Variants in SKAP1 observed in about 807,000 individuals in gnomAD.
SKAP1 encodes src kinase associated phosphoprotein 1.
SKAP1 carries 44 observed loss-of-function variants against 58.5 expected under a neutral mutation model. The ratio of observed to expected loss-of-function variants is 0.75; its 90% CI spans 0.59 to 0.97. The LOEUF (loss-of-function observed/expected upper bound fraction) is 0.97, where lower values mean the gene tolerates loss of function less well. SKAP1 is among the 50% of genes least tolerant of loss of function. The probability of loss-of-function intolerance (pLI) is 0.00; values close to 1 mark genes in which losing one functional copy is unlikely to be tolerated. For synonymous variants in SKAP1, 127 were observed against 149.7 expected (o/e 0.85, Z 1.11); for missense variants, 390 against 435.2 (o/e 0.90, Z 0.92).
At chr17:48,283,110 G>C (rs577550616) in intron 4 of SKAP1, among the ~76,000 whole-genome samples, 8 of 152,250 alleles carry the variant, frequency 5.3e-5, no homozygotes, top group African/African-American at 1.9e-4. Context: ...TTGTGGCTTA[G>C]ACGTGTTGGG....
chr17:48,341,812 C>T (rs2066657217), intron 4 of SKAP1, among the ~76,000 whole-genome samples: 1 of 152,188 alleles, frequency 6.6e-6, no homozygotes, highest in Admixed American at 6.5e-5. Context: ...AATATTCTCA[C>T]TTCTATCCAG....
rs141433222 is a variant in SKAP1 at position 48,273,342 on chromosome 17, C to T, written c.280+72563G>A. On this transcript the variant is annotated intron_variant, in intron 4 of 12. Transcript: ENST00000336915. The stretch of plus-strand genomic sequence containing the variant: ...TTTATAATTTTCAACCTCCACTGGA[C>T]GTTTAGTATTCTTCAGAAATCCTTT... Among the ~76,000 whole-genome samples the T allele has an allele frequency of 2.6e-3, 388 of 152,048 alleles. 1 individual carries two copies. The highest frequency in any genetic ancestry group is 4.6e-3 in the Admixed American group (70 of 15,266).
At chr17:48,264,781 C>A (rs1026415759) in intron 4 of SKAP1, among the ~76,000 whole-genome samples, 1 of 151,370 alleles carries the variant, frequency 6.6e-6, no homozygotes, top group Admixed American at 6.6e-5. Flanking sequence ...CACACACACA[C>A]ACCCTCCATC....
Position 48,295,180 on chromosome 17 carries a change from A to G in SKAP1, c.280+50725T>C, listed in dbSNP as rs541639816. 2.0e-5 allele frequency among the ~76,000 whole-genome samples: 3 copies of G among 152,328 alleles called. No individual in the cohort carries two copies. In the East Asian group the frequency reaches 5.8e-4, roughly 29 times the overall value. On this transcript the variant is annotated intron_variant, in intron 4 of 12. Coordinates refer to ENST00000336915, the MANE Select transcript of SKAP1 (RefSeq NM_003726.4). ...ATGTTTTGCACGAAGCAACTGGGCAAAGGAAGTTGACTTCAATCGGGCAAG... is the reference window on the plus strand; with the variant it reads ...ATGTTTTGCACGAAGCAACTGGGCAGAGGAAGTTGACTTCAATCGGGCAAG...
chr17:48,145,564 A>G (rs555013312), intron 11 of SKAP1, among the ~76,000 whole-genome samples: 2 of 152,214 alleles, frequency 1.3e-5, no homozygotes, highest in African/African-American at 4.8e-5. Flanking sequence ...TTTCAGGACT[A>G]TCATGGACCT....
rs565274555 is a variant in SKAP1 at position 48,248,554 on chromosome 17, A to G, written c.281-59054T>C. Among the ~76,000 whole-genome samples the G allele has an allele frequency of 1.4e-4, 21 of 152,330 alleles. No individual in the cohort carries two copies. In the South Asian group the frequency reaches 2.5e-3, roughly 18 times the overall value. The stretch of plus-strand genomic sequence containing the variant: ...TGCACTCCAGCCTGGAAGACAGGGC[A>G]AGACTCCGTCTCAAAAAAGAAAACA... On this transcript the variant is annotated intron_variant, in intron 4 of 12. Coordinates refer to ENST00000336915, the MANE Select transcript of SKAP1 (RefSeq NM_003726.4).
At chr17:48,141,539 G>A (rs2063767904) in intron 11 of SKAP1, among the ~76,000 whole-genome samples, 2 of 151,780 alleles carry the variant, frequency 1.3e-5, no homozygotes, top group Non-Finnish European at 2.9e-5. Context: ...ACCACACCTC[G>A]CTGATTTTTG....
intron 9 of SKAP1, 41 bp from the exon 10 acceptor site, chr17:48,170,700 C>A: frequency 6.2e-6 from 9 of 1,442,510 alleles, no homozygotes; most frequent in Non-Finnish European, 8.7e-6. Context: ...TAGTGGTTCA[C>A]AGTCTCATGT....
chr17:48,371,654 CAAAAAAAAAAAAA>C (rs71141985), intron 2 of SKAP1, among the ~76,000 whole-genome samples: 22 of 37,918 alleles, frequency 5.8e-4, no homozygotes, highest in African/African-American at 2.5e-3. Context: ...CTTGTCTCCA[CAAAAAAAAAAAAA>C]AAAAAAAAAA....
intron 4 of SKAP1, among the ~76,000 whole-genome samples, chr17:48,310,818 CAA>C (rs2066212769): frequency 6.6e-6 from 1 of 151,032 alleles, no homozygotes; most frequent in Admixed American, 6.6e-5. Context: ...CTGCTGGAAA[CAA>C]GAGAGTTGAT....
the SKAP1 span, among the ~76,000 whole-genome samples, chr17:48,441,725 C>G: frequency 1.3e-5 from 2 of 152,242 alleles, no homozygotes; most frequent in African/African-American, 4.8e-5. Context: ...GATCAAAGAA[C>G]AGTGGAGTTT....
At chr17:48,227,703 G>C (rs960207189) in intron 4 of SKAP1, among the ~76,000 whole-genome samples, 17 of 152,086 alleles carry the variant, frequency 1.1e-4, no homozygotes, top group Non-Finnish European at 2.1e-4. Context: ...TTTTATTGTG[G>C]GGTCTGAAAG....
chr17:48,419,386 G>A (rs769770680), intron 1 of SKAP1, among the ~76,000 whole-genome samples: 1 of 151,904 alleles, frequency 6.6e-6, no homozygotes, highest in Non-Finnish European at 1.5e-5. Context: ...CCGGGTTCAA[G>A]CAATTATCAT....
chr17:48,402,243 T>G (rs1041415005), intron 1 of SKAP1, among the ~76,000 whole-genome samples: 2 of 151,956 alleles, frequency 1.3e-5, no homozygotes, highest in Non-Finnish European at 2.9e-5. Context: ...AGAATTATCA[T>G]AGGATCCAGA....
rs574888392 is a variant in SKAP1 at position 48,291,525 on chromosome 17, AATG to A, written c.280+54377_280+54379del. On this transcript the variant is annotated intron_variant, in intron 4 of 12. Transcript: ENST00000336915. ...TTCTGCAAACAGTAACGCAGATTCC[AATG>A]ATAAGATGAGTGAGCAGGATGCAAG... Among the ~76,000 whole-genome samples, 40 of 152,354 alleles carry A rather than the reference AATG, an allele frequency of 2.6e-4. No individual in the cohort carries two copies. In the South Asian group the frequency reaches 6.4e-3, roughly 24 times the overall value.
chr17:48,237,458 C>T (rs944572069), intron 4 of SKAP1, among the ~76,000 whole-genome samples: 1 of 152,138 alleles, frequency 6.6e-6, no homozygotes, highest in Non-Finnish European at 1.5e-5. Flanking sequence ...TTGCTCTAGG[C>T]CATGAAGCTA....
intron 1 of SKAP1, among the ~76,000 whole-genome samples, chr17:48,412,293 C>T (rs796153254): frequency 2.6e-5 from 4 of 152,304 alleles, no homozygotes; most frequent in African/African-American, 9.6e-5. Context: ...AGAACATTAA[C>T]AATGGCCATC....
chr17:48,265,726 C>T (rs1291478020), intron 4 of SKAP1, among the ~76,000 whole-genome samples: 1 of 152,004 alleles, frequency 6.6e-6, no homozygotes, highest in Admixed American at 6.6e-5. Context: ...CTAACACACC[C>T]GAACTGTAAC....
chr17:48,246,807 C>T (rs1437846852), intron 4 of SKAP1, among the ~76,000 whole-genome samples: 2 of 152,200 alleles, frequency 1.3e-5, no homozygotes, highest in Non-Finnish European at 2.9e-5. Context: ...CACACAGCCT[C>T]TTGAATTTCA....
Sources: gnomAD v4.1 joint callset for allele counts (sites outside exome capture counted in the v4.1 genomes callset) on GRCh38, gnomAD v4.1.1 for gene constraint, MANE v1.5 for transcripts, NCBI Gene and HGNC (gene_info 2026-07-23, HGNC 2026-07-21) for gene names.